NOL4: variants seen among roughly 807,000 people sequenced by gnomAD.
The protein encoded by NOL4 is cancer/testis antigen 125.
In NOL4, 17 loss-of-function variants were observed where a neutral mutation model predicts 75.9. The observed-to-expected ratio is 0.22, with a 90% CI of 0.15 to 0.34. The LOEUF (loss-of-function observed/expected upper bound fraction) is 0.34. Ranked by LOEUF, NOL4 falls within the 10% of genes least tolerant of loss-of-function variation. The pLI is 1.00. For synonymous variants in NOL4, 292 were observed against 289.9 expected (o/e 1.01, Z -0.07); for missense variants, 614 against 793.5 (o/e 0.77, Z 2.72).
At chr18:33,908,532 G>A (rs1395153229) in intron 9 of NOL4, among the ~76,000 whole-genome samples, 2 of 152,226 alleles carry the variant, frequency 1.3e-5, no homozygotes, top group South Asian at 2.1e-4. Context: ...TCTTGAAGGA[G>A]TCATAAAATT....
chr18:34,122,203 A>G (rs2080174709), intron 2 of NOL4, among the ~76,000 whole-genome samples: 1 of 152,164 alleles, frequency 6.6e-6, no homozygotes, highest in Non-Finnish European at 1.5e-5. Flanking sequence ...TCCCAGGAAA[A>G]TGAGGGTGGA....
intron 10 of NOL4, among the ~76,000 whole-genome samples, chr18:33,859,158 T>C (rs1468572531): frequency 6.6e-6 from 1 of 152,130 alleles, no homozygotes; most frequent in African/African-American, 2.4e-5. Context: ...TTCTCTGTTT[T>C]GACTTCTCAG....
chr18:33,986,931 C>T (rs775822877), intron 6 of NOL4, among the ~76,000 whole-genome samples: 2 of 151,974 alleles, frequency 1.3e-5, no homozygotes, highest in Non-Finnish European at 2.9e-5. Context: ...TCAGTAGGTA[C>T]TGTGTGAGTC....
chr18:33,931,631 G>A (rs991504177), intron 9 of NOL4, among the ~76,000 whole-genome samples: 3 of 151,830 alleles, frequency 2.0e-5, no homozygotes, highest in African/African-American at 4.8e-5. Context: ...TTACTTGGGC[G>A]GCTGATTCAG....
intron 1 of NOL4, among the ~76,000 whole-genome samples, chr18:34,200,111 A>G (rs1451223747): frequency 6.6e-6 from 1 of 151,898 alleles, no homozygotes; most frequent in Non-Finnish European, 1.5e-5. Context: ...AAGAGTTGAC[A>G]GAGAAATAAA....
At chr18:33,926,163 C>T (rs987800573) in intron 9 of NOL4, among the ~76,000 whole-genome samples, 2 of 151,754 alleles carry the variant, frequency 1.3e-5, no homozygotes, top group Admixed American at 1.3e-4. Flanking sequence ...AGATCGAGAC[C>T]ATCCTGGCCA....
At chr18:34,115,126 G>C (rs1242233001) in intron 2 of NOL4, among the ~76,000 whole-genome samples, 1 of 152,138 alleles carries the variant, frequency 6.6e-6, no homozygotes, top group East Asian at 1.9e-4. Context: ...GCAAGTTCGA[G>C]CACAAAGATG....
At chr18:33,862,367 T>C (rs375318372) in intron 10 of NOL4, among the ~76,000 whole-genome samples, 22 of 152,036 alleles carry the variant, frequency 1.4e-4, no homozygotes, top group Non-Finnish European at 1.5e-4. Context: ...CGGGCAAGGA[T>C]TTCATGTCTA....
At chr18:34,191,384 A>T (rs971168408) in intron 1 of NOL4, among the ~76,000 whole-genome samples, 2 of 152,146 alleles carry the variant, frequency 1.3e-5, no homozygotes, top group African/African-American at 4.8e-5. Flanking sequence ...TGATTTTACT[A>T]TAATTAACAT....
intron 6 of NOL4, among the ~76,000 whole-genome samples, chr18:33,983,859 CA>C (rs1011352552): frequency 1.2e-4 from 18 of 149,642 alleles, no homozygotes; most frequent in Non-Finnish European, 1.9e-4. Flanking sequence ...TTATATGAGT[CA>C]AAAAAAAGTC....
chr18:33,975,061 C>A (rs2071383873), intron 6 of NOL4, among the ~76,000 whole-genome samples: 3 of 127,344 alleles, frequency 2.4e-5, no homozygotes, highest in African/African-American at 9.5e-5. Flanking sequence ...TTAAATAAGA[C>A]CCTCACAAAA....
intron 6 of NOL4, among the ~76,000 whole-genome samples, chr18:33,970,725 T>TG (rs2070983144): frequency 5.4e-5 from 8 of 146,934 alleles, no homozygotes; most frequent in African/African-American, 2.0e-4. Context: ...TTCAAGCTAT[T>TG]TGTGTGTGTG....
chr18:34,092,269 T>G (rs2078559582), intron 5 of NOL4, among the ~76,000 whole-genome samples: 1 of 152,198 alleles, frequency 6.6e-6, no homozygotes, highest in South Asian at 2.1e-4. Context: ...TCAGAAAAAC[T>G]TCATTCTTAT....
At chr18:34,109,996 C>T (rs1415514962) in intron 2 of NOL4, among the ~76,000 whole-genome samples, 1 of 151,408 alleles carries the variant, frequency 6.6e-6, no homozygotes, top group Non-Finnish European at 1.5e-5. Context: ...AGTAAGGGAT[C>T]AAATCAGTAA....
intron 5 of NOL4, among the ~76,000 whole-genome samples, chr18:34,078,880 T>C (rs998658033): frequency 6.6e-6 from 1 of 152,216 alleles, no homozygotes; most frequent in South Asian, 2.1e-4. Context: ...GATATGGTAA[T>C]TTCTGGCCTC....
At chr18:33,898,797 C>T (rs2065575928) in intron 9 of NOL4, among the ~76,000 whole-genome samples, 1 of 151,684 alleles carries the variant, frequency 6.6e-6, no homozygotes, top group South Asian at 2.1e-4. Flanking sequence ...TCTTTTTTTC[C>T]TGGAGAACAA....
intron 1 of NOL4, among the ~76,000 whole-genome samples, chr18:34,153,166 T>C (rs2081728749): frequency 1.3e-5 from 2 of 148,808 alleles, no homozygotes; most frequent in Non-Finnish European, 3.0e-5. Context: ...CATGTACTCA[T>C]TTCTTTTCGA....
chr18:34,032,169 T>C (rs973293974), intron 5 of NOL4, among the ~76,000 whole-genome samples: 1 of 152,200 alleles, frequency 6.6e-6, no homozygotes, highest in African/African-American at 2.4e-5. Flanking sequence ...GTCTTAGGTA[T>C]GAATTCTACT....
At chr18:33,863,172 C>G (rs1388449908) in intron 10 of NOL4, among the ~76,000 whole-genome samples, 1 of 150,924 alleles carries the variant, frequency 6.6e-6, no homozygotes, top group Non-Finnish European at 1.5e-5. Context: ...ATCGCAAGAA[C>G]AAAAAACCAA....
Sources: gnomAD v4.1 joint callset for allele counts (sites outside exome capture counted in the v4.1 genomes callset) on GRCh38, gnomAD v4.1.1 for gene constraint, MANE v1.5 for transcripts, NCBI Gene and HGNC (gene_info 2026-07-23, HGNC 2026-07-21) for gene names.